APBB2: variants seen among roughly 807,000 people sequenced by gnomAD.
APBB2 encodes the protein Fe65-like 1.
A neutral mutation model predicts 82.5 loss-of-function variants in APBB2; 38 were observed. The ratio of observed to expected loss-of-function variants is 0.46; its 90% CI spans 0.36 to 0.60. The LOEUF (loss-of-function observed/expected upper bound fraction) is 0.60, where lower values mean the gene tolerates loss of function less well. Ranked by LOEUF, APBB2 falls within the 20% of genes least tolerant of loss-of-function variation. The pLI, the probability that APBB2 is intolerant of heterozygous loss-of-function variation, is 0.00. For synonymous variants in APBB2, 341 were observed against 368.2 expected, an observed-to-expected ratio of 0.93 and a Z score of 0.85; for missense variants, 772 against 972.3, an observed-to-expected ratio of 0.79 and a Z score of 2.74.
intron 3 of APBB2, 106 bp from the exon 4 acceptor site, chr4:41,065,779 T>C (rs1177899462): frequency 6.6e-6 from 1 of 151,422 alleles, no homozygotes; most frequent in Non-Finnish European, 1.5e-5. Flanking sequence ...TGACCACATA[T>C]TTCCAGATAA....
chr4:41,199,479 A>ACT (rs1776153383), intron 1 of APBB2, among the ~76,000 whole-genome samples: 1 of 152,214 alleles, frequency 6.6e-6, no homozygotes, highest in Non-Finnish European at 1.5e-5. Flanking sequence ...GCCCACTGCT[A>ACT]ATTTATTGTG....
chr4:40,903,822 C>G (rs931594075), intron 10 of APBB2, among the ~76,000 whole-genome samples: 1 of 152,144 alleles, frequency 6.6e-6, no homozygotes, highest in Non-Finnish European at 1.5e-5. Context: ...GCAATAGCTG[C>G]TCTATGGAGA....
chr4:40,869,007 T>C lies in APBB2; in HGVS notation c.1529+21357A>G, dbSNP rs371724067. ...ATTTCTTATACATGTGTTACCTCGA[T>C]TTGTCCCCACACCACCTTTCTATTT... On this transcript the variant is annotated intron_variant, in intron 12 of 17. Transcript: ENST00000508593. 3.9e-5 allele frequency among the ~76,000 whole-genome samples: 6 copies of C among 152,288 alleles called. 1 individual carries two copies. In the South Asian group the frequency reaches 1.2e-3, roughly 32 times the overall value.
chr4:41,110,225 C>T (rs539388135), intron 2 of APBB2, among the ~76,000 whole-genome samples: 4 of 152,288 alleles, frequency 2.6e-5, no homozygotes, highest in African/African-American at 2.4e-5. Context: ...GTGCCTGGCA[C>T]GCAGGAGGCA....
intron 10 of APBB2, among the ~76,000 whole-genome samples, chr4:40,926,700 C>T (rs1008399511): frequency 4.6e-5 from 7 of 152,184 alleles, no homozygotes; most frequent in East Asian, 1.9e-4. Context: ...TGATCCGCCA[C>T]GCCTGGCCCC....
intron 10 of APBB2, among the ~76,000 whole-genome samples, chr4:40,926,127 C>T (rs1447214759): frequency 2.0e-5 from 3 of 152,246 alleles, no homozygotes; most frequent in African/African-American, 4.8e-5. Context: ...ATGTCTACTT[C>T]GCTGCAGAAG....
intron 2 of APBB2, among the ~76,000 whole-genome samples, chr4:41,135,099 T>G (rs1299449059): frequency 1.3e-5 from 2 of 150,364 alleles, no homozygotes; most frequent in African/African-American, 2.5e-5. Context: ...ACTTTTCATA[T>G]GCTCTGTGAC....
chr4:41,027,404 T>TATA (rs1426043208), intron 5 of APBB2, among the ~76,000 whole-genome samples: 1 of 130,514 alleles, frequency 7.7e-6, no homozygotes, highest in Admixed American at 8.0e-5. Flanking sequence ...TATATATATA[T>TATA]AACATTTTCA....
rs182126585 is a variant in APBB2, at chr4:41,105,680, T to G, written c.-260-4930A>C. Among the ~76,000 whole-genome samples the G allele has an allele frequency of 3.9e-5, 6 of 152,140 alleles. No individual in the cohort carries two copies. In the South Asian group the frequency reaches 1.0e-3, roughly 26 times the overall value. On this transcript the variant is annotated intron_variant, in intron 2 of 17. Coordinates refer to ENST00000508593, the MANE Select transcript of APBB2 (RefSeq NM_004307.2). ...CGGGCAGATCACAAGGTCAGGAGAT[T>G]GAGACCATCCTGGCTAACACAGTGA...
chr4:41,085,250 CAAA>C (rs71198629), intron 3 of APBB2, among the ~76,000 whole-genome samples: 3 of 66,164 alleles, frequency 4.5e-5, no homozygotes, highest in Admixed American at 1.7e-4. Context: ...GACTCTGTCT[CAAA>C]AAAAAAAAAA....
chr4:41,118,751 T>C (rs1751884606), intron 2 of APBB2, among the ~76,000 whole-genome samples: 1 of 152,158 alleles, frequency 6.6e-6, no homozygotes, highest in South Asian at 2.1e-4. Flanking sequence ...GCATACCATA[T>C]TAAGATACAA....
rs1253257299 is a variant in APBB2 at position 41,023,727 on chromosome 4, GAATT to G, written c.20-9333_20-9330del. Among the ~76,000 whole-genome samples, 10 of 152,226 alleles carry G rather than the reference GAATT, an allele frequency of 6.6e-5. No homozygotes were observed. The East Asian group carries it at 1.5e-3, about 23-fold the overall frequency. ...AACATCCCATGCTCATGGGTAGGAA[GAATT>G]AATATAATTAAAATGGCTACACTGC... On this transcript the variant is annotated intron_variant, in intron 5 of 17. Transcript: ENST00000508593.
chr4:41,165,629 C>G (rs1353354208), intron 1 of APBB2, among the ~76,000 whole-genome samples: 1 of 152,172 alleles, frequency 6.6e-6, no homozygotes, highest in Non-Finnish European at 1.5e-5. Flanking sequence ...GAGCGGAACT[C>G]TCACCCACCA....
At chr4:41,091,342 AC>A (rs1280866361) in intron 3 of APBB2, among the ~76,000 whole-genome samples, 2 of 152,194 alleles carry the variant, frequency 1.3e-5, no homozygotes, top group Admixed American at 1.3e-4. Flanking sequence ...AGCAGCCCAA[AC>A]AAGGAGTGCA....
rs1386389411 is a variant in APBB2, at chr4:40,832,011, T to TACACACACACACACACAC, written c.1530-1435_1530-1434insGTGTGTGTGTGTGTGTGT. Among the ~76,000 whole-genome samples the TACACACACACACACACAC allele has an allele frequency of 9.9e-4, 49 of 49,556 alleles. No individual in the cohort carries two copies. Among genetic ancestry groups the TACACACACACACACACAC allele is most frequent in the African/African-American group, 2.2e-3 (43 of 19,132 alleles). The allele number at this position is 49,556 out of a possible 152,430, so 32.5% of individuals were successfully genotyped here. ...ACACACATATTTATATATTTATTTA[T>TACACACACACACACACAC]ATACACACACACACACACACACACA... On this transcript the variant is annotated intron_variant, in intron 12 of 17. Transcript: ENST00000508593. The surrounding 1 kb of genome is among the most constrained non-coding windows in gnomAD (Gnocchi z 4.8).
At chr4:40,852,723 C>T (rs182435052) in intron 12 of APBB2, among the ~76,000 whole-genome samples, 148 of 152,270 alleles carry the variant, frequency 9.7e-4, no homozygotes, top group South Asian at 4.1e-3. Flanking sequence ...TCACTGCAAC[C>T]TCCATCTCCC....
intron 12 of APBB2, among the ~76,000 whole-genome samples, chr4:40,859,789 G>A (rs1364546178): frequency 6.6e-6 from 1 of 152,076 alleles, no homozygotes; most frequent in East Asian, 1.9e-4. Flanking sequence ...CCTCCTCTTT[G>A]TCTCTGCTCC....
chr4:41,041,524 T>C (rs955309984), intron 4 of APBB2, among the ~76,000 whole-genome samples: 2 of 152,226 alleles, frequency 1.3e-5, no homozygotes, highest in African/African-American at 4.8e-5. Context: ...TTTTTTGCCA[T>C]TCACATAGCT....
intron 1 of APBB2, among the ~76,000 whole-genome samples, chr4:41,181,067 C>A (rs575170864): frequency 6.6e-6 from 1 of 152,284 alleles, no homozygotes; most frequent in South Asian, 2.1e-4. Flanking sequence ...TTTAAAAAAT[C>A]TTTTTAAGAG....
Sources: gnomAD v4.1 joint callset for allele counts (sites outside exome capture counted in the v4.1 genomes callset) on GRCh38, gnomAD v4.1.1 for gene constraint, Gnocchi (gnomAD v3.1) non-coding constraint, MANE v1.5 for transcripts, NCBI Gene and HGNC (gene_info 2026-07-23, HGNC 2026-07-21) for gene names.